Variants in SMIM21 observed in about 807,000 individuals in gnomAD.
The protein encoded by SMIM21 is small integral membrane protein 21.
SMIM21 carries 8 observed loss-of-function variants against 8.6 expected under a neutral mutation model. That is an observed-to-expected ratio of 0.93 (90% CI 0.55 to 1.68). SMIM21 has a LOEUF of 1.68. Among genes scored for constraint, SMIM21 ranks in the 40% most tolerant of loss-of-function variants. The probability of loss-of-function intolerance (pLI) is 0.00; values close to 1 mark genes in which losing one functional copy is unlikely to be tolerated. For missense variants in SMIM21, 132 were observed against 123.0 expected, an observed-to-expected ratio of 1.07 and a Z score of -0.35; for synonymous variants, 43 against 41.7, an observed-to-expected ratio of 1.03 and a Z score of -0.12.
chr18:75,410,463 C>T lies in SMIM21; in HGVS notation c.*401G>A, dbSNP rs2024571179. The T allele has an allele frequency of 4.9e-6, 1 of 204,762 alleles. No individual in the cohort carries two copies. The highest frequency in any genetic ancestry group is 2.3e-5 in the African/African-American group (1 of 43,240). The allele number at this position is 204,762 out of a possible 1,614,324, so 12.7% of individuals were successfully genotyped here. A position where few individuals can be genotyped will look rare whatever the true frequency, so the allele number is the denominator to read the frequency against. ...TCTCAAACTGTGTTGCTGTATACCA[C>T]ACAGAGCCTTAGGTGGTCCCGAAAT... On this transcript the variant is annotated 3_prime_UTR_variant, in exon 3 of 3. Transcript: ENST00000579022.
intron 1 of SMIM21, among the ~76,000 whole-genome samples, chr18:75,421,109 G>A (rs1317400122): frequency 6.6e-6 from 1 of 152,196 alleles, no homozygotes; most frequent in Non-Finnish European, 1.5e-5. Context: ...TGATCGCGAA[G>A]CAGTTTTCCT....
In SMIM21 at chr18:75,410,104, T is replaced by A. The variant is rs2024566925; in HGVS notation, c.*760A>T. 1 of 152,706 alleles carries A rather than the reference T, an allele frequency of 6.5e-6. No individual in the cohort carries two copies. Among genetic ancestry groups the A allele is most frequent in the Non-Finnish European group, 1.5e-5 (1 of 68,058 alleles). 9.5% of individuals were successfully genotyped at this position (152,706 alleles called of 1,614,324 possible). On this transcript the variant is annotated 3_prime_UTR_variant, in exon 3 of 3. Coordinates refer to ENST00000579022, the MANE Select transcript of SMIM21 (RefSeq NM_001037331.3). ...ACCTTAAGTTGCTCAATTTGATCTC[T>A]GCACTCAGGAACAAGGTAATTAAGT...
In SMIM21 at chr18:75,427,443, G is replaced by C; in HGVS notation, c.121C>G (p.Leu41Val). The change falls in exon 1 of 3, where the codon CTT becomes GTT. Residue 41 changes from leucine (L) to valine (V), a missense_variant. Coordinates refer to ENST00000579022, the MANE Select transcript of SMIM21 (RefSeq NM_001037331.3). ...FKGNLLQKKALTTFENEHHIR... is the reference protein window; with the variant it reads ...FKGNLLQKKAVTTFENEHHIR... ...AAGACCCATAAACTCACTGTGGTAAGTGCTTTCTTCTGCAGCAAATTCCCC... is the reference window on the plus strand; with the variant it reads ...AAGACCCATAAACTCACTGTGGTAACTGCTTTCTTCTGCAGCAAATTCCCC... The C allele has an allele frequency of 6.2e-7, 1 of 1,613,894 alleles. No individual in the cohort carries two copies. Among genetic ancestry groups the C allele is most frequent in the Non-Finnish European group, 8.5e-7 (1 of 1,179,894 alleles).
chr18:75,422,953 A>G (rs960878874), intron 1 of SMIM21, among the ~76,000 whole-genome samples: 1 of 152,256 alleles, frequency 6.6e-6, no homozygotes, highest in Non-Finnish European at 1.5e-5. Context: ...TATAGTAAGT[A>G]AATTATATCT....
chr18:75,410,962 C>A, intron 2 of SMIM21, 53 bp from the exon 3 acceptor site: 8 of 1,584,168 alleles, frequency 5.0e-6, no homozygotes, highest in Non-Finnish European at 6.9e-6. Flanking sequence ...TAGATATAAT[C>A]AAAATATTAC....
intron 2 of SMIM21, chr18:75,415,948 C>T (rs2024639459): frequency 6.6e-6 from 1 of 152,204 alleles, no homozygotes; most frequent in Admixed American, 6.5e-5. Context: ...GAAAGCATCT[C>T]TTACTGGCAG....
At chr18:75,413,622 A>G (rs1298917202) in intron 2 of SMIM21, among the ~76,000 whole-genome samples, 2 of 152,048 alleles carry the variant, frequency 1.3e-5, no homozygotes, top group Non-Finnish European at 2.9e-5. Flanking sequence ...CTCCAAATCA[A>G]TTTCTCAGCA....
At position 75,427,584 on chromosome 18, in the gene SMIM21, C is replaced by A; in HGVS notation, c.-21G>T. 1 of 1,572,698 alleles carries A rather than the reference C, an allele frequency of 6.4e-7. No homozygotes were observed. The highest frequency in any genetic ancestry group is 8.6e-7 in the Non-Finnish European group (1 of 1,157,482). ...TCCATGTGGGGGCTGCGGCGGTGACCAGTGAGAGGTCTCCTTGATGACAGC... is the reference window on the plus strand; with the variant it reads ...TCCATGTGGGGGCTGCGGCGGTGACAAGTGAGAGGTCTCCTTGATGACAGC... On this transcript the variant is annotated 5_prime_UTR_variant, in exon 1 of 3. Transcript: ENST00000579022.
rs1303452462 is a variant in SMIM21 at position 75,410,161 on chromosome 18, G to A, written c.*703C>T. The A allele has an allele frequency of 6.6e-6, 1 of 152,606 alleles. No individual in the cohort carries two copies. Among genetic ancestry groups the A allele is most frequent in the African/African-American group, 2.4e-5 (1 of 41,440 alleles). The allele number at this position is 152,606 out of a possible 1,614,324, so 9.5% of individuals were successfully genotyped here. On this transcript the variant is annotated 3_prime_UTR_variant, in exon 3 of 3. Coordinates refer to ENST00000579022, the MANE Select transcript of SMIM21 (RefSeq NM_001037331.3). ...CAATATAAGAAAACTCATCTGCCTC[G>A]ACTTGTTGCCCGTCTTCAGACAGTG... is the stretch of plus-strand genomic sequence containing the variant.
Position 75,412,910 on chromosome 18 carries a change from G to A in SMIM21, c.261-2001C>T, listed in dbSNP as rs529070339. Among the ~76,000 whole-genome samples the A allele has an allele frequency of 2.0e-4, 30 of 152,058 alleles. 2 individuals carry two copies. The South Asian group carries it at 5.8e-3, about 29-fold the overall frequency. ...TTCGTTGTACCTTGAATTTCCCCTTGCCTGTATTTTCATTCAAATCCGAAC... is the reference window on the plus strand; with the variant it reads ...TTCGTTGTACCTTGAATTTCCCCTTACCTGTATTTTCATTCAAATCCGAAC... On this transcript the variant is annotated intron_variant, in intron 2 of 2. Coordinates refer to ENST00000579022, the MANE Select transcript of SMIM21 (RefSeq NM_001037331.3).
rs1336663546 is a variant in SMIM21, at chr18:75,409,683, G to GTA, written c.*1180_*1181insTA. ...TCTGTGTGTGTGTGTGTGTGTGTAT[G>GTA]TGTGTAAGAATAGTCTCCATTATAG... On this transcript the variant is annotated 3_prime_UTR_variant, in exon 3 of 3. Coordinates refer to ENST00000579022, the MANE Select transcript of SMIM21 (RefSeq NM_001037331.3). 1.4e-5 allele frequency: 2 copies of GTA among 138,706 alleles called. No individual in the cohort carries two copies. The highest frequency in any genetic ancestry group is 5.5e-5 in the African/African-American group (2 of 36,666). The allele number at this position is 138,706 out of a possible 1,614,324, so 8.6% of individuals were successfully genotyped here.
intron 1 of SMIM21, among the ~76,000 whole-genome samples, chr18:75,426,436 A>G (rs934498832): frequency 6.6e-6 from 1 of 151,772 alleles, no homozygotes; most frequent in African/African-American, 2.4e-5. Context: ...CAGCCTCCCA[A>G]GTAGCTGGGA....
At chr18:75,422,328 A>G (rs528627624) in intron 1 of SMIM21, among the ~76,000 whole-genome samples, 1 of 152,282 alleles carries the variant, frequency 6.6e-6, no homozygotes, top group Non-Finnish European at 1.5e-5. Context: ...AGGGCTTTGC[A>G]TCAACTGAAC....
chr18:75,410,599 A>G lies in SMIM21; in HGVS notation c.*265T>C. Reference sequence around the variant, plus strand: ...CACTGCTGGATCTGTTTCGACACGCAGGGCAGATTTCGCAGGGTTGGGTGG... The same window carrying G: ...CACTGCTGGATCTGTTTCGACACGCGGGGCAGATTTCGCAGGGTTGGGTGG... On this transcript the variant is annotated 3_prime_UTR_variant, in exon 3 of 3. Transcript: ENST00000579022. 1.4e-6 allele frequency: 1 copy of G among 732,214 alleles called. No individual in the cohort carries two copies. Among genetic ancestry groups the G allele is most frequent in the East Asian group, 3.1e-5 (1 of 31,950 alleles). The allele number at this position is 732,214 out of a possible 1,614,324, so 45.4% of individuals were successfully genotyped here.
chr18:75,425,709 G>C (rs1031357491), intron 1 of SMIM21, among the ~76,000 whole-genome samples: 2 of 152,210 alleles, frequency 1.3e-5, no homozygotes, highest in Non-Finnish European at 2.9e-5. Flanking sequence ...GGAAGCAGTG[G>C]ATGAAAATAG....
chr18:75,420,376 A>G (rs944600127), intron 1 of SMIM21, among the ~76,000 whole-genome samples: 4 of 152,194 alleles, frequency 2.6e-5, no homozygotes, highest in Non-Finnish European at 5.9e-5. Flanking sequence ...TTGTTGAAAT[A>G]TATGTCGTTG....
At chr18:75,418,638 G>C in intron 2 of SMIM21, 148 bp downstream of exon 2, 3 of 673,934 alleles carry the variant, frequency 4.5e-6, no homozygotes, top group Admixed American at 6.5e-5. Flanking sequence ...TAATTTGATA[G>C]CTACCCAGCA....
intron 1 of SMIM21, among the ~76,000 whole-genome samples, chr18:75,423,036 G>GTTCT (rs1312143190): frequency 6.6e-6 from 1 of 152,176 alleles, no homozygotes; most frequent in Non-Finnish European, 1.5e-5. Context: ...AAAGACTTGA[G>GTTCT]TTCTCACTAA....
chr18:75,425,611 C>T (rs557286742), intron 1 of SMIM21, among the ~76,000 whole-genome samples: 2 of 152,212 alleles, frequency 1.3e-5, no homozygotes, highest in Non-Finnish European at 2.9e-5. Context: ...TGTGGTTTAA[C>T]AGCCCACCTA....
Sources: gnomAD v4.1 joint callset for allele counts (sites outside exome capture counted in the v4.1 genomes callset) on GRCh38, gnomAD v4.1.1 for gene constraint, MANE v1.5 for transcripts, NCBI Gene and HGNC (gene_info 2026-07-23, HGNC 2026-07-21) for gene names.